EPB41L2: variants seen among roughly 807,000 people sequenced by gnomAD.
The protein encoded by EPB41L2 is band 4.1-like protein 2.
EPB41L2 carries 43 observed loss-of-function variants against 113.0 expected under a neutral mutation model. That is an observed-to-expected ratio of 0.38 (90% confidence interval 0.30 to 0.49). The LOEUF (loss-of-function observed/expected upper bound fraction) is 0.49, where lower values mean the gene tolerates loss of function less well. EPB41L2 is among the 20% of genes least tolerant of loss of function. The pLI, the probability that EPB41L2 is intolerant of heterozygous loss-of-function variation, is 0.95. For missense variants in EPB41L2, 1,147 were observed against 1,223.4 expected, an observed-to-expected ratio of 0.94 and a Z score of 0.93; for synonymous variants, 442 against 436.7, an observed-to-expected ratio of 1.01 and a Z score of -0.15.
chr6:130,976,210 A>T (rs1383027828), intron 1 of EPB41L2, among the ~76,000 whole-genome samples: 1 of 152,190 alleles, frequency 6.6e-6, no homozygotes, highest in East Asian at 1.9e-4. Flanking sequence ...AACGTTTTTA[A>T]AAATGGTCCA....
In EPB41L2 at chr6:130,908,774, G is replaced by T. The variant is rs41285326; in HGVS notation, c.853+47C>A. On this transcript the variant is annotated intron_variant, in intron 5 of 19. Transcript: ENST00000337057. ...TTACTGATCATTTATATCACAAATA[G>T]ATATCAAGACACCTTAACTTCAAAG... 1,064 of 1,420,422 alleles carry T rather than the reference G, an allele frequency of 7.5e-4. 1 individual carries two copies. The highest frequency in any genetic ancestry group is 6.4e-4 in the Non-Finnish European group (659 of 1,025,428). The allele number at this position is 1,420,422 out of a possible 1,614,324, so 88.0% of individuals were successfully genotyped here.
At chr6:130,919,690 T>C (rs1802270858) in intron 4 of EPB41L2, among the ~76,000 whole-genome samples, 1 of 152,218 alleles carries the variant, frequency 6.6e-6, no homozygotes, top group South Asian at 2.1e-4. Context: ...ATCCTCTTAC[T>C]ATTGCCTCCA....
At chr6:131,019,214 A>C (rs986936585) in intron 1 of EPB41L2, among the ~76,000 whole-genome samples, 2 of 152,108 alleles carry the variant, frequency 1.3e-5, no homozygotes, top group Non-Finnish European at 2.9e-5. Context: ...ATCCATAAAG[A>C]TTTTACATAT....
chr6:130,868,654 T>C (rs2128445483), intron 15 of EPB41L2: 1 of 152,308 alleles, frequency 6.6e-6, no homozygotes, highest in East Asian at 1.9e-4. Context: ...ACATTTTCCA[T>C]CCCATCGAAG....
Position 130,848,215 on chromosome 6 carries a change from A to T in EPB41L2, c.*6-7617T>A, listed in dbSNP as rs1035375718. 1.1e-3 allele frequency among the ~76,000 whole-genome samples: 156 copies of T among 147,052 alleles called. 1 individual carries two copies. The highest frequency in any genetic ancestry group is 3.4e-3 in the African/African-American group (140 of 40,672). On this transcript the variant is annotated intron_variant, in intron 19 of 19. Coordinates refer to ENST00000337057, the MANE Select transcript of EPB41L2 (RefSeq NM_001431.4). ...CTCTCTCTCTCACACACACACACAC[A>T]CACACACACACACACACACACACAC...
rs148592280 is a variant in EPB41L2, at chr6:131,002,187, C to A, written c.-14-45688G>T. On this transcript the variant is annotated intron_variant, in intron 1 of 19. Transcript: ENST00000337057. ...TGCTTTTTTTTCAGAGGCATTCCTTCGATCACCAGTGCCAGCACAACTATA... is the reference window on the plus strand; with the variant it reads ...TGCTTTTTTTTCAGAGGCATTCCTTAGATCACCAGTGCCAGCACAACTATA... Among the ~76,000 whole-genome samples, 135 of 152,216 alleles carry A rather than the reference C, an allele frequency of 8.9e-4. 1 individual carries two copies. The East Asian group carries it at 0.022, about 24-fold the overall frequency.
intron 1 of EPB41L2, among the ~76,000 whole-genome samples, chr6:131,014,381 T>C (rs1181586583): frequency 1.3e-5 from 2 of 152,192 alleles, no homozygotes; most frequent in African/African-American, 4.8e-5. Context: ...GGAATCCCTT[T>C]GTATCCCATT....
At chr6:130,902,932 A>G (rs1796690888) in intron 6 of EPB41L2, among the ~76,000 whole-genome samples, 1 of 152,182 alleles carries the variant, frequency 6.6e-6, no homozygotes, top group Non-Finnish European at 1.5e-5. Context: ...CAGCTTCTAA[A>G]TGTTCACTCA....
chr6:130,991,239 C>G (rs1274608611), intron 1 of EPB41L2, among the ~76,000 whole-genome samples: 1 of 152,148 alleles, frequency 6.6e-6, no homozygotes, highest in East Asian at 1.9e-4. Flanking sequence ...CTGCCCCCAT[C>G]TGCCATGTTA....
At chr6:130,912,727 G>GT (rs1799801441) in intron 4 of EPB41L2, among the ~76,000 whole-genome samples, 1 of 152,048 alleles carries the variant, frequency 6.6e-6, no homozygotes, top group Admixed American at 6.6e-5. Flanking sequence ...GCTCACAAAT[G>GT]GCCAGCCTCG....
chr6:131,020,645 T>C (rs1327540161), intron 1 of EPB41L2, among the ~76,000 whole-genome samples: 1 of 152,210 alleles, frequency 6.6e-6, no homozygotes, highest in Non-Finnish European at 1.5e-5. Flanking sequence ...TGCCAATCAA[T>C]AATTTTGGCT....
chr6:130,915,499 T>C (rs1800753364), intron 4 of EPB41L2, among the ~76,000 whole-genome samples: 1 of 152,144 alleles, frequency 6.6e-6, no homozygotes, highest in Non-Finnish European at 1.5e-5. Context: ...CCTGCAGAAA[T>C]CAAAAACATT....
At chr6:131,061,155 A>T (rs1393279685) in intron 1 of EPB41L2, among the ~76,000 whole-genome samples, 1 of 152,136 alleles carries the variant, frequency 6.6e-6, no homozygotes, top group Non-Finnish European at 1.5e-5. Context: ...TTTCTTACAG[A>T]GGGATGTTTT....
chr6:130,861,698 C>T (rs1014040568), intron 18 of EPB41L2, among the ~76,000 whole-genome samples: 4 of 151,876 alleles, frequency 2.6e-5, no homozygotes, highest in African/African-American at 9.7e-5. Flanking sequence ...ACAGTGAAAC[C>T]CCATCTCTAC....
At chr6:131,050,999 CA>C (rs1457835506) in intron 1 of EPB41L2, among the ~76,000 whole-genome samples, 3 of 152,126 alleles carry the variant, frequency 2.0e-5, no homozygotes, top group Non-Finnish European at 4.4e-5. Context: ...TGATACATAA[CA>C]AAAACAAATT....
At chr6:131,045,285 T>A (rs1224478598) in intron 1 of EPB41L2, among the ~76,000 whole-genome samples, 1 of 152,076 alleles carries the variant, frequency 6.6e-6, no homozygotes, top group African/African-American at 2.4e-5. Flanking sequence ...TGCAAAATAA[T>A]CCATTACAGC....
intron 4 of EPB41L2, among the ~76,000 whole-genome samples, chr6:130,916,350 C>T (rs1333984368): frequency 1.3e-5 from 2 of 152,122 alleles, no homozygotes; most frequent in East Asian, 3.8e-4. Context: ...ATTTCCCCTA[C>T]AACATTTTCA....
chr6:130,985,835 C>T (rs1177627087), intron 1 of EPB41L2, among the ~76,000 whole-genome samples: 3 of 152,112 alleles, frequency 2.0e-5, no homozygotes, highest in East Asian at 3.9e-4. Flanking sequence ...TTTTTGGTAG[C>T]AGCTTGGAGA....
At chr6:130,924,075 G>C (rs1803791216) in intron 4 of EPB41L2, among the ~76,000 whole-genome samples, 1 of 152,040 alleles carries the variant, frequency 6.6e-6, no homozygotes, top group Non-Finnish European at 1.5e-5. Flanking sequence ...ATCCTATAGT[G>C]CTTGTCTTTT....
Sources: gnomAD v4.1 joint callset for allele counts (sites outside exome capture counted in the v4.1 genomes callset) on GRCh38, gnomAD v4.1.1 for gene constraint, MANE v1.5 for transcripts, NCBI Gene and HGNC (gene_info 2026-07-23, HGNC 2026-07-21) for gene names.